The following TGFBRAP1 variants were observed in gnomAD, a reference collection of about 807,000 sequenced individuals.
The protein encoded by TGFBRAP1 is transforming growth factor beta receptor associated protein 1, also known as transforming growth factor-beta receptor-associated protein 1.
Under a neutral mutation model 83.2 loss-of-function variants are expected in TGFBRAP1, and 20 were observed. The observed-to-expected ratio is 0.24, with a 90% CI of 0.17 to 0.35. The LOEUF (loss-of-function observed/expected upper bound fraction) is 0.35, where lower values mean the gene tolerates loss of function less well. TGFBRAP1 is among the 10% of genes least tolerant of loss of function. The pLI, the probability that TGFBRAP1 is intolerant of heterozygous loss-of-function variation, is 1.00. For missense variants in TGFBRAP1, 950 were observed against 1,099.4 expected, an observed-to-expected ratio of 0.86 and a Z score of 1.92; for synonymous variants, 415 against 459.8, an observed-to-expected ratio of 0.90 and a Z score of 1.25.
intron 1 of TGFBRAP1, among the ~76,000 whole-genome samples, chr2:105,309,063 G>A (rs545809225): frequency 2.6e-5 from 4 of 152,342 alleles, no homozygotes; most frequent in East Asian, 1.9e-4. Context: ...TGTGTGGACC[G>A]ACCGGTCCCT....
the TGFBRAP1 span, among the ~76,000 whole-genome samples, chr2:105,258,972 T>C: frequency 1.6e-4 from 24 of 152,206 alleles, no homozygotes; most frequent in Non-Finnish European, 3.2e-4. Context: ...CGAGCACAGA[T>C]GGGAAACTGG....
At chr2:105,277,591 T>C (rs374515134) in intron 7 of TGFBRAP1, 23 bp downstream of exon 7, 1 of 1,613,196 alleles carries the variant, frequency 6.2e-7, no homozygotes, top group East Asian at 2.2e-5. Flanking sequence ...TTTTAAATCA[T>C]GTGGAAACCC....
the TGFBRAP1 span, among the ~76,000 whole-genome samples, chr2:105,253,439 G>T: frequency 2.6e-5 from 4 of 151,828 alleles, no homozygotes; most frequent in Non-Finnish European, 5.9e-5. Context: ...GGCCTTGTTT[G>T]TTTTTTTTAA....
At chr2:105,298,779 T>C in intron 2 of TGFBRAP1, 74 bp from the exon 3 acceptor site, 2 of 1,429,800 alleles carry the variant, frequency 1.4e-6, no homozygotes, top group East Asian at 2.4e-5. Context: ...TATGTCTGGA[T>C]GCAGACCGAC....
At chr2:105,308,521 T>TAC (rs149766409) in intron 1 of TGFBRAP1, among the ~76,000 whole-genome samples, 17 of 151,400 alleles carry the variant, frequency 1.1e-4, no homozygotes, top group African/African-American at 2.2e-4. Flanking sequence ...CACAGACACA[T>TAC]ACACACACAC....
intron 1 of TGFBRAP1, among the ~76,000 whole-genome samples, chr2:105,328,316 T>G (rs1679278607): frequency 6.6e-6 from 1 of 152,126 alleles, no homozygotes. Context: ...TCCAGCAGAT[T>G]CCAGCCAGTA....
chr2:105,279,523 A>G (rs1677457251), intron 6 of TGFBRAP1, among the ~76,000 whole-genome samples: 1 of 151,876 alleles, frequency 6.6e-6, no homozygotes, highest in Non-Finnish European at 1.5e-5. Flanking sequence ...AGCTTCCCAA[A>G]ATGCTGGGAT....
Position 105,301,984 on chromosome 2 carries a change from G to T in TGFBRAP1, c.689-3279C>A, listed in dbSNP as rs1292620119. ...CTGAAACTTATATAACAGAGAAGTT[G>T]GTATCTCAAACATATAAAGAATACT... On this transcript the variant is annotated intron_variant, in intron 2 of 11. Transcript: ENST00000393359. Among the ~76,000 whole-genome samples, 7 of 128,586 alleles carry T rather than the reference G, an allele frequency of 5.4e-5. No homozygotes were observed. The Admixed American group carries it at 6.4e-4, about 12-fold the overall frequency. 84.4% of individuals were successfully genotyped at this position (128,586 alleles called of 152,430 possible).
At chr2:105,308,414 T>G (rs1460058090) in intron 1 of TGFBRAP1, 96 bp from the exon 2 acceptor site, 25 of 1,241,900 alleles carry the variant, frequency 2.0e-5, no homozygotes, top group Non-Finnish European at 2.6e-5. Flanking sequence ...GTTGTCATTT[T>G]CATTAAAGAA....
At chr2:105,329,590 C>T (rs1177307811) in intron 1 of TGFBRAP1, 35 bp downstream of exon 1, 2 of 147,864 alleles carry the variant, frequency 1.4e-5, no homozygotes, top group African/African-American at 4.9e-5. Flanking sequence ...CGCCCTGAGC[C>T]CCGCACCCCG....
In TGFBRAP1 at chr2:105,298,475, A is replaced by G. The variant is rs373621459; in HGVS notation, c.883+36T>C. On this transcript the variant is annotated intron_variant, in intron 3 of 11. Transcript: ENST00000393359. ...CCGAAGAAATATCATAAAAGAGTTA[A>G]GTAAATTTCACTAAGACTTCTATGT... The G allele has an allele frequency of 7.2e-6, 11 of 1,534,120 alleles. No individual in the cohort carries two copies. The African/African-American group carries it at 1.4e-4, about 19-fold the overall frequency.
intron 4 of TGFBRAP1, among the ~76,000 whole-genome samples, chr2:105,292,644 G>A (rs958393961): frequency 1.3e-5 from 2 of 152,096 alleles, no homozygotes; most frequent in South Asian, 4.2e-4. Flanking sequence ...AAAGGTGGGA[G>A]GGGGAGAGGG....
chr2:105,290,753 C>T (rs1489231522), intron 4 of TGFBRAP1, among the ~76,000 whole-genome samples: 2 of 151,832 alleles, frequency 1.3e-5, no homozygotes, highest in Non-Finnish European at 2.9e-5. Context: ...ACCTGTAGTC[C>T]TAGCACTTTG....
chr2:105,262,140 C>T (rs774121066), downstream of TGFBRAP1, among the ~76,000 whole-genome samples: 10 of 152,170 alleles, frequency 6.6e-5, no homozygotes, highest in Non-Finnish European at 1.5e-4. Flanking sequence ...TACTGCCCAG[C>T]TCCACCTCCT....
chr2:105,277,690 G>T lies in TGFBRAP1; in HGVS notation c.1464-19C>A. 6.2e-7 allele frequency: 1 copy of T among 1,613,618 alleles called. No individual in the cohort carries two copies. The highest frequency in any genetic ancestry group is 8.5e-7 in the Non-Finnish European group (1 of 1,179,570). Reference sequence around the variant, plus strand: ...AAAATACCTGAAACAGAACAACACGGTAAGTACAACCTCTCCCCATCAGCT... The same window carrying T: ...AAAATACCTGAAACAGAACAACACGTTAAGTACAACCTCTCCCCATCAGCT... On this transcript the variant is annotated intron_variant, in intron 6 of 11. Coordinates refer to ENST00000393359, the MANE Select transcript of TGFBRAP1 (RefSeq NM_004257.6).
chr2:105,322,804 T>C (rs1231699299), intron 1 of TGFBRAP1, among the ~76,000 whole-genome samples: 1 of 152,216 alleles, frequency 6.6e-6, no homozygotes, highest in Admixed American at 6.5e-5. Context: ...TCTCAGACCA[T>C]AACCTAGTCA....
intron 1 of TGFBRAP1, 43 bp from the exon 2 acceptor site, chr2:105,308,361 G>T: frequency 6.6e-7 from 1 of 1,506,920 alleles, no homozygotes; most frequent in Non-Finnish European, 8.9e-7. Context: ...GAACAAGGAA[G>T]AAGCAGAAAC....
chr2:105,269,253 C>T lies in TGFBRAP1; in HGVS notation c.2406+19G>A, dbSNP rs1677057936. The T allele has an allele frequency of 1.9e-6, 3 of 1,563,594 alleles. No individual in the cohort carries two copies. The highest frequency in any genetic ancestry group is 2.6e-6 in the Non-Finnish European group (3 of 1,148,320). On this transcript the variant is annotated intron_variant, in intron 11 of 11. Coordinates refer to ENST00000393359, the MANE Select transcript of TGFBRAP1 (RefSeq NM_004257.6). This position sits in a 1 kb window ranked among gnomAD's most constrained non-coding sequence, Gnocchi z 4.1. ...AATGTTGACTGACCAGGAAGCAGCT[C>T]GTGGGGGCCAGCACTTACCTTATCG...
In TGFBRAP1 at chr2:105,302,730, G is replaced by A. The variant is rs1275874275; in HGVS notation, c.689-4025C>T. On this transcript the variant is annotated intron_variant, in intron 2 of 11. Coordinates refer to ENST00000393359, the MANE Select transcript of TGFBRAP1 (RefSeq NM_004257.6). ...TCTTTGACGATATCTTGCTGTATCCGTCTGTCTTGGAACTTTGTAAACATT... is the reference window on the plus strand; with the variant it reads ...TCTTTGACGATATCTTGCTGTATCCATCTGTCTTGGAACTTTGTAAACATT... 8.5e-5 allele frequency among the ~76,000 whole-genome samples: 13 copies of A among 152,152 alleles called. No individual in the cohort carries two copies. In the South Asian group the frequency reaches 1.4e-3, roughly 17 times the overall value.
Sources: allele counts gnomAD v4.1 joint callset (sites outside exome capture counted in the v4.1 genomes callset), GRCh38; gene constraint gnomAD v4.1.1; non-coding constraint Gnocchi (gnomAD v3.1); transcripts MANE v1.5; gene names NCBI Gene and HGNC (gene_info 2026-07-23, HGNC 2026-07-21).